The following CNTLN variants were observed in gnomAD, a reference collection of about 807,000 sequenced individuals.
CNTLN encodes centlein, centrosomal protein.
A neutral mutation model predicts 180.0 loss-of-function variants in CNTLN; 212 were observed. The ratio of observed to expected loss-of-function variants is 1.18; its 90% CI spans 1.05 to 1.32. The LOEUF (loss-of-function observed/expected upper bound fraction) is 1.32, where lower values mean the gene tolerates loss of function less well. CNTLN is among the 40% of genes most tolerant of loss of function. The pLI is 0.00. For synonymous variants in CNTLN, 722 were observed against 563.1 expected (o/e 1.28, Z -3.99); for missense variants, 2,095 against 1,610.9 (o/e 1.30, Z -5.14).
intron 2 of CNTLN, among the ~76,000 whole-genome samples, chr9:17,225,048 C>A (rs1824377437): frequency 6.6e-6 from 1 of 151,976 alleles, no homozygotes; most frequent in Non-Finnish European, 1.5e-5. Flanking sequence ...TCACCCTAGT[C>A]TCTTTCCTGA....
At chr9:17,267,723 A>G (rs1452385239) in intron 5 of CNTLN, among the ~76,000 whole-genome samples, 1 of 152,132 alleles carries the variant, frequency 6.6e-6, no homozygotes, top group Non-Finnish European at 1.5e-5. Flanking sequence ...TATTTCTTGG[A>G]GGCTTTGTTC....
chr9:17,314,155 A>G (rs1435429567), intron 8 of CNTLN, among the ~76,000 whole-genome samples: 1 of 152,196 alleles, frequency 6.6e-6, no homozygotes, highest in Non-Finnish European at 1.5e-5. Flanking sequence ...TAAGTCTTTT[A>G]TGTGAATTAT....
intron 5 of CNTLN, among the ~76,000 whole-genome samples, chr9:17,259,623 T>G (rs1389925297): frequency 6.6e-6 from 1 of 151,070 alleles, no homozygotes; most frequent in East Asian, 1.9e-4. Context: ...TTTTTGTTGG[T>G]AAGCTGTTGA....
chr9:17,268,620 C>G (rs1047918586), intron 5 of CNTLN, among the ~76,000 whole-genome samples: 4 of 152,168 alleles, frequency 2.6e-5, no homozygotes, highest in Non-Finnish European at 2.9e-5. Flanking sequence ...TTTTGTTTGT[C>G]TGTGCCCTGC....
At chr9:17,446,088 C>G (rs1005949402) in intron 18 of CNTLN, among the ~76,000 whole-genome samples, 18 of 152,150 alleles carry the variant, frequency 1.2e-4, no homozygotes, top group African/African-American at 4.3e-4. Context: ...TCTGCTGACC[C>G]TCTCCCCACA....
chr9:17,143,939 G>T (rs1050581159), intron 2 of CNTLN, among the ~76,000 whole-genome samples: 6 of 152,120 alleles, frequency 3.9e-5, no homozygotes, highest in Admixed American at 1.3e-4. Flanking sequence ...AATGATGCTG[G>T]GTTCTCTCTA....
rs570762959 is a variant in CNTLN at position 17,287,190 on chromosome 9, T to C, written c.984-11000T>C. ...TTTTGAAATACGTCCCATCAATACC[T>C]AATTTATTGAGAGTTTTTAGCATGA... On this transcript the variant is annotated intron_variant, in intron 6 of 25. Coordinates refer to ENST00000380647, the MANE Select transcript of CNTLN (RefSeq NM_017738.4). Among the ~76,000 whole-genome samples, 18 of 151,098 alleles carry C rather than the reference T, an allele frequency of 1.2e-4. No homozygotes were observed. The South Asian group carries it at 3.8e-3, about 32-fold the overall frequency.
At chr9:17,182,639 A>C (rs1446561314) in intron 2 of CNTLN, among the ~76,000 whole-genome samples, 3 of 151,870 alleles carry the variant, frequency 2.0e-5, no homozygotes, top group African/African-American at 7.3e-5. Flanking sequence ...CTTTAGAGTA[A>C]GATTAAAAAG....
chr9:17,224,185 A>G (rs1306711398), intron 2 of CNTLN, among the ~76,000 whole-genome samples: 1 of 152,018 alleles, frequency 6.6e-6, no homozygotes, highest in Non-Finnish European at 1.5e-5. Context: ...TAGCAATTTG[A>G]CATACTATGT....
At chr9:17,467,295 A>C (rs1281980952) in intron 23 of CNTLN, among the ~76,000 whole-genome samples, 1 of 151,582 alleles carries the variant, frequency 6.6e-6, no homozygotes, top group Non-Finnish European at 1.5e-5. Context: ...AACTATCAAG[A>C]CATGGAATAG....
chr9:17,259,220 C>T (rs1826754470), intron 5 of CNTLN, among the ~76,000 whole-genome samples: 1 of 149,806 alleles, frequency 6.7e-6, no homozygotes, highest in Non-Finnish European at 1.5e-5. Flanking sequence ...TTTTCTGCAT[C>T]TATTGAGATA....
At chr9:17,155,287 C>T (rs145269462) in intron 2 of CNTLN, among the ~76,000 whole-genome samples, 3 of 152,314 alleles carry the variant, frequency 2.0e-5, no homozygotes, top group African/African-American at 4.8e-5. Flanking sequence ...CACAGTATCT[C>T]CTAGTCAGTA....
chr9:17,466,660 C>T, intron 22 of CNTLN, 46 bp from the exon 23 acceptor site: 1 of 1,492,148 alleles, frequency 6.7e-7, no homozygotes, highest in Non-Finnish European at 9.1e-7. Context: ...TCTTCCAAAT[C>T]TGTTTATAAA....
At chr9:17,297,275 T>G (rs585682) in intron 6 of CNTLN, among the ~76,000 whole-genome samples, 30,339 of 152,158 alleles carry the variant, frequency 0.2, 3,736 homozygotes, top group African/African-American at 0.34. Flanking sequence ...TAGATTATAT[T>G]CAAAACTACA....
chr9:17,420,061 C>G (rs574049702), intron 18 of CNTLN, among the ~76,000 whole-genome samples: 1 of 152,162 alleles, frequency 6.6e-6, no homozygotes, highest in East Asian at 1.9e-4. Context: ...ACTATAGGCA[C>G]GCAACACCAC....
chr9:17,264,855 G>T (rs1276385362), intron 5 of CNTLN, among the ~76,000 whole-genome samples: 2 of 151,584 alleles, frequency 1.3e-5, no homozygotes. Flanking sequence ...TGTTGTTGGT[G>T]TATAAGAATG....
At chr9:17,287,599 T>C (rs1829069874) in intron 6 of CNTLN, among the ~76,000 whole-genome samples, 1 of 149,512 alleles carries the variant, frequency 6.7e-6, no homozygotes. Flanking sequence ...TTCCTCCTTG[T>C]ACCTCTGGTA....
intron 2 of CNTLN, among the ~76,000 whole-genome samples, chr9:17,207,051 C>T (rs1034035761): frequency 2.0e-4 from 31 of 152,170 alleles, no homozygotes; most frequent in African/African-American, 7.0e-4. Context: ...GTGGTGAATC[C>T]GCCACAGTCT....
chr9:17,435,823 C>G (rs1216740131), intron 18 of CNTLN, among the ~76,000 whole-genome samples: 1 of 152,054 alleles, frequency 6.6e-6, no homozygotes, highest in Non-Finnish European at 1.5e-5. Context: ...TTGGCCTCCC[C>G]AAGTGCTAGG....
Sources: allele counts gnomAD v4.1 joint callset (sites outside exome capture counted in the v4.1 genomes callset), GRCh38; gene constraint gnomAD v4.1.1; transcripts MANE v1.5; gene names NCBI Gene and HGNC (gene_info 2026-07-23, HGNC 2026-07-21).